The following KLHL7 variants were observed in gnomAD, a reference collection of about 807,000 sequenced individuals.
The protein encoded by KLHL7 is kelch-like protein 7.
Under a neutral mutation model 67.4 loss-of-function variants are expected in KLHL7, and 44 were observed. That is an observed-to-expected ratio of 0.65 (90% CI 0.51 to 0.84). The LOEUF (loss-of-function observed/expected upper bound fraction) is 0.84, where lower values mean the gene tolerates loss of function less well. Ranked by LOEUF, KLHL7 falls within the 40% of genes least tolerant of loss-of-function variation. The probability of loss-of-function intolerance (pLI) is 0.00; values close to 1 mark genes in which losing one functional copy is unlikely to be tolerated. For synonymous variants in KLHL7, 252 were observed against 243.3 expected (o/e 1.04, Z -0.33); for missense variants, 362 against 718.1 (o/e 0.50, Z 5.67).
At position 23,141,165 on chromosome 7, in the gene KLHL7, C is replaced by T. The variant is rs188455601; in HGVS notation, c.618+221C>T. Reference sequence around the variant, plus strand: ...CCATTGGGTACCATGGTAGGCAGAACAATGCCTTCCCCAAAGAAGTCCACT... The same window carrying T: ...CCATTGGGTACCATGGTAGGCAGAATAATGCCTTCCCCAAAGAAGTCCACT... On this transcript the variant is annotated intron_variant, in intron 5 of 10. Coordinates refer to ENST00000339077, the MANE Select transcript of KLHL7 (RefSeq NM_001031710.3). Among the ~76,000 whole-genome samples, 67 of 152,292 alleles carry T rather than the reference C, an allele frequency of 4.4e-4. 1 individual carries two copies. Among genetic ancestry groups the T allele is most frequent in the South Asian group, 1.5e-3 (7 of 4,820 alleles).
chr7:23,117,987 C>G, intron 1 of KLHL7: 2 of 1,613,616 alleles, frequency 1.2e-6, no homozygotes, highest in Non-Finnish European at 8.5e-7. Flanking sequence ...TCAGTCTTCT[C>G]TTTGGGATAT....
chr7:23,166,515 C>T (rs542853927), intron 8 of KLHL7, among the ~76,000 whole-genome samples: 3 of 152,202 alleles, frequency 2.0e-5, no homozygotes, highest in African/African-American at 7.2e-5. Context: ...TGAATAGGTG[C>T]AGGCTAGATA....
intron 4 of KLHL7, 67 bp downstream of exon 4, chr7:23,125,239 T>A: frequency 6.6e-7 from 1 of 1,526,704 alleles, no homozygotes; most frequent in African/African-American, 1.4e-5. Context: ...TTTAATTTTT[T>A]AAAAAGGCTG....
At chr7:23,150,100 G>A (rs1037778987) in intron 6 of KLHL7, among the ~76,000 whole-genome samples, 3 of 152,122 alleles carry the variant, frequency 2.0e-5, no homozygotes, top group African/African-American at 7.2e-5. Flanking sequence ...CAAGGTTATA[G>A]TGAGTTGTTA....
intron 4 of KLHL7, among the ~76,000 whole-genome samples, chr7:23,140,488 C>A (rs572573133): frequency 6.6e-6 from 1 of 152,002 alleles, no homozygotes; most frequent in Non-Finnish European, 1.5e-5. Flanking sequence ...AGCTGGGAGG[C>A]GGAGCTTGCA....
At chr7:23,111,998 G>A (rs886418808) in intron 1 of KLHL7, among the ~76,000 whole-genome samples, 1 of 152,160 alleles carries the variant, frequency 6.6e-6, no homozygotes, top group African/African-American at 2.4e-5. Flanking sequence ...TGAAGAAAAA[G>A]TGATAGATTA....
Position 23,124,657 on chromosome 7 carries a change from A to G in KLHL7, c.224-31A>G, listed in dbSNP as rs369523134. 1.5e-5 allele frequency: 20 copies of G among 1,346,038 alleles called. No homozygotes were observed. The African/African-American group carries it at 2.1e-4, about 14-fold the overall frequency. 83.4% of individuals were successfully genotyped at this position (1,346,038 alleles called of 1,614,324 possible). The stretch of plus-strand genomic sequence containing the variant: ...CTCAGTCAAACTTGTGGTAGTACAG[A>G]TGCCATTTATGTTTCTTCTCTTCAT... On this transcript the variant is annotated intron_variant, in intron 2 of 10. Coordinates refer to ENST00000339077, the MANE Select transcript of KLHL7 (RefSeq NM_001031710.3).
Position 23,117,213 on chromosome 7 carries a change from G to A in KLHL7, c.121-6564G>A, listed in dbSNP as rs577633369. Among the ~76,000 whole-genome samples the A allele has an allele frequency of 3.3e-5, 5 of 149,422 alleles. No individual in the cohort carries two copies. The East Asian group carries it at 8.1e-4, about 24-fold the overall frequency. ...AGTGATTCTCCTGCCTCAGCCTCCC[G>A]AGTAGCTGCTATTACAGACGCGCAC... On this transcript the variant is annotated intron_variant, in intron 1 of 10. Transcript: ENST00000339077.
At chr7:23,168,654 A>G (rs80151411) in intron 9 of KLHL7, among the ~76,000 whole-genome samples, 10,479 of 152,256 alleles carry the variant, frequency 0.069, 996 homozygotes, top group African/African-American at 0.21. Flanking sequence ...ATCATTGAAT[A>G]ATGGAGAGGG....
intron 7 of KLHL7, among the ~76,000 whole-genome samples, chr7:23,152,655 C>T (rs1377687275): frequency 6.6e-6 from 1 of 152,074 alleles, no homozygotes; most frequent in East Asian, 1.9e-4. Flanking sequence ...ATTAAATGAC[C>T]TTTATTTGAA....
intron 7 of KLHL7, among the ~76,000 whole-genome samples, chr7:23,163,707 A>C (rs1355197942): frequency 1.3e-5 from 2 of 152,226 alleles, no homozygotes; most frequent in East Asian, 3.8e-4. Flanking sequence ...CAAGGAAAAT[A>C]GGACTTTATA....
intron 7 of KLHL7, among the ~76,000 whole-genome samples, chr7:23,163,099 C>T (rs1362265835): frequency 6.6e-6 from 1 of 152,134 alleles, no homozygotes; most frequent in Non-Finnish European, 1.5e-5. Flanking sequence ...GAAAATATCA[C>T]ACTGATCTTT....
At chr7:23,108,925 A>G (rs1408406316) in intron 1 of KLHL7, among the ~76,000 whole-genome samples, 1 of 152,248 alleles carries the variant, frequency 6.6e-6, no homozygotes, top group Non-Finnish European at 1.5e-5. Context: ...TATCCATTCT[A>G]TCATTATGAA....
rs148791865 is a variant in KLHL7 at position 23,108,759 on chromosome 7, C to A, written c.120+2613C>A. Reference sequence around the variant, plus strand: ...CACATCGGCAAAAAGTGGGTTTTTCCTGTGTTTGAACTTATATAAATGTAA... The same window carrying A: ...CACATCGGCAAAAAGTGGGTTTTTCATGTGTTTGAACTTATATAAATGTAA... On this transcript the variant is annotated intron_variant, in intron 1 of 10. Transcript: ENST00000339077. Among the ~76,000 whole-genome samples, 9 of 152,282 alleles carry A rather than the reference C, an allele frequency of 5.9e-5. No homozygotes were observed. In the East Asian group the frequency reaches 1.5e-3, roughly 26 times the overall value.
chr7:23,171,105 C>A, intron 9 of KLHL7: 1 of 263,430 alleles, frequency 3.8e-6, no homozygotes, highest in Non-Finnish European at 7.9e-6. Flanking sequence ...CGGGGTTTCA[C>A]CATGTTGGCC....
chr7:23,165,965 T>G (rs751024530), intron 8 of KLHL7, 27 bp downstream of exon 8: 13 of 1,613,112 alleles, frequency 8.1e-6, no homozygotes, highest in Non-Finnish European at 1.1e-5. Flanking sequence ...TATTTTGGTT[T>G]GGGGCATATG....
chr7:23,167,791 C>T (rs748623603), intron 8 of KLHL7, 45 bp from the exon 9 acceptor site: 64 of 1,566,448 alleles, frequency 4.1e-5, no homozygotes, highest in Middle Eastern at 1.7e-4. Flanking sequence ...TCCAAACCCC[C>T]GCACACACTA....
chr7:23,159,090 G>T (rs1380129506), intron 7 of KLHL7, among the ~76,000 whole-genome samples: 2 of 152,056 alleles, frequency 1.3e-5, no homozygotes, highest in Non-Finnish European at 2.9e-5. Flanking sequence ...TAACTGGACT[G>T]CACTTTTTAA....
intron 1 of KLHL7, among the ~76,000 whole-genome samples, chr7:23,108,644 G>A (rs1782743895): frequency 6.6e-6 from 1 of 152,298 alleles, no homozygotes; most frequent in East Asian, 1.9e-4. Context: ...ACCATGCCAT[G>A]CCATCTTCTA....
Sources: allele counts gnomAD v4.1 joint callset (sites outside exome capture counted in the v4.1 genomes callset), GRCh38; gene constraint gnomAD v4.1.1; transcripts MANE v1.5; gene names NCBI Gene and HGNC (gene_info 2026-07-23, HGNC 2026-07-21).